The following ACTR3 variants were observed in gnomAD, a reference collection of about 807,000 sequenced individuals.
The protein encoded by ACTR3 is actin related protein 3, also known as actin-related protein 3.
In ACTR3, 12 loss-of-function variants were observed where a neutral mutation model predicts 56.8. That is an observed-to-expected ratio of 0.21 (90% CI 0.14 to 0.34). The LOEUF (loss-of-function observed/expected upper bound fraction) is 0.34. Ranked by LOEUF, ACTR3 falls within the 10% of genes least tolerant of loss-of-function variation. The pLI is 1.00. For missense variants in ACTR3, 282 were observed against 512.5 expected, an observed-to-expected ratio of 0.55 and a Z score of 4.34; for synonymous variants, 162 against 167.4, an observed-to-expected ratio of 0.97 and a Z score of 0.25.
intron 1 of ACTR3, among the ~76,000 whole-genome samples, chr2:113,898,734 T>C (rs1679051092): frequency 6.6e-6 from 1 of 152,202 alleles, no homozygotes; most frequent in South Asian, 2.1e-4. Context: ...AATTTTTCTT[T>C]ATGGTTTCAG....
intron 3 of ACTR3, among the ~76,000 whole-genome samples, chr2:113,923,466 G>GCC: frequency 6.6e-6 from 1 of 151,994 alleles, no homozygotes; most frequent in Admixed American, 6.5e-5. Flanking sequence ...CTCCCAAGTA[G>GCC]TTGGGACTAC....
In ACTR3 at chr2:113,931,348, A is replaced by G. The variant is rs1038126858; in HGVS notation, c.384A>G (p.Glu128=). 3.1e-6 allele frequency: 5 copies of G among 1,599,190 alleles called. No individual in the cohort carries two copies. Among genetic ancestry groups the G allele is most frequent in the Non-Finnish European group, 3.4e-6 (4 of 1,173,300 alleles). The stretch of plus-strand genomic sequence containing the variant: ...CAGAAAACAGGGAATATACTGCTGA[A>G]ATAATGTTTGAGTCCTTCAATGTTC... ...NTPENREYTA[E]IMFESFNVPG... Residue 128 remains glutamate (E), a synonymous_variant, in exon 5 of 12, where the codon GAA becomes GAG. Coordinates refer to ENST00000263238, the MANE Select transcript of ACTR3 (RefSeq NM_005721.5).
intron 4 of ACTR3, among the ~76,000 whole-genome samples, chr2:113,928,857 T>C (rs114368171): frequency 3.2e-4 from 48 of 152,338 alleles, no homozygotes; most frequent in African/African-American, 1.2e-3. Context: ...AGTTTTCTCA[T>C]GCCCTTTTGT....
At chr2:113,915,852 C>T (rs562912109) in intron 2 of ACTR3, among the ~76,000 whole-genome samples, 108 of 152,274 alleles carry the variant, frequency 7.1e-4, no homozygotes, top group Non-Finnish European at 1.1e-3. Flanking sequence ...TTTTCTCACC[C>T]ACCCAGTTTT....
chr2:113,913,337 T>C, intron 2 of ACTR3, 110 bp downstream of exon 2: 1 of 768,500 alleles, frequency 1.3e-6, no homozygotes. Flanking sequence ...TTAGTCCTTT[T>C]AAAAACATGA....
intron 10 of ACTR3, chr2:113,953,687 T>C (rs1574386201): frequency 7.0e-6 from 1 of 143,548 alleles, no homozygotes; most frequent in African/African-American, 2.5e-5. Context: ...TAGGTGTGTG[T>C]ACACACACAC....
In ACTR3 at chr2:113,913,243, A is replaced by G. The variant is rs1340515104; in HGVS notation, c.100+16A>G. The G allele has an allele frequency of 1.3e-6, 2 of 1,563,470 alleles. No homozygotes were observed. The highest frequency in any genetic ancestry group is 2.7e-5 in the African/African-American group (2 of 72,782). On this transcript the variant is annotated intron_variant, in intron 2 of 11. Coordinates refer to ENST00000263238, the MANE Select transcript of ACTR3 (RefSeq NM_005721.5). Reference sequence around the variant, plus strand: ...ATCCCTTCCTGTAAGTATTTCTTTTAAGCCACAAATGAGCTGATTTAAAAG... The same window carrying G: ...ATCCCTTCCTGTAAGTATTTCTTTTGAGCCACAAATGAGCTGATTTAAAAG...
At chr2:113,890,579 C>A (rs1011614277) in intron 1 of ACTR3, 2 of 1,358,772 alleles carry the variant, frequency 1.5e-6, no homozygotes, top group African/African-American at 3.1e-5. Context: ...TCCGCGCGAC[C>A]CCTCCCGGCC....
intron 1 of ACTR3, 133 bp downstream of exon 1, chr2:113,890,456 G>A: frequency 7.8e-7 from 1 of 1,277,504 alleles, no homozygotes; most frequent in Non-Finnish European, 1.0e-6. Context: ...CCGCCGGCCA[G>A]CGAGGGGTGG....
At chr2:113,898,761 A>AT (rs1679051641) in intron 1 of ACTR3, among the ~76,000 whole-genome samples, 1 of 152,178 alleles carries the variant, frequency 6.6e-6, no homozygotes, top group East Asian at 1.9e-4. Context: ...ATATCTTTGG[A>AT]TTTTAATTAT....
At chr2:113,936,419 T>C (rs1409104224) in intron 6 of ACTR3, among the ~76,000 whole-genome samples, 1 of 152,208 alleles carries the variant, frequency 6.6e-6, no homozygotes, top group Non-Finnish European at 1.5e-5. Context: ...TTTCTCTTTA[T>C]TGACTTATTA....
chr2:113,923,188 A>C (rs1050371524), intron 3 of ACTR3, among the ~76,000 whole-genome samples: 1 of 152,146 alleles, frequency 6.6e-6, no homozygotes, highest in Non-Finnish European at 1.5e-5. Flanking sequence ...TTAAAACGAC[A>C]CTTCTTAGTG....
At position 113,926,527 on chromosome 2, in the gene ACTR3, T is replaced by C. The variant is rs1458777722; in HGVS notation, c.226-818T>C. Among the ~76,000 whole-genome samples the C allele has an allele frequency of 4.6e-5, 7 of 152,206 alleles. 1 individual carries two copies. The highest frequency in any genetic ancestry group is 7.2e-5 in the African/African-American group (3 of 41,444). The stretch of plus-strand genomic sequence containing the variant: ...GTTCTGGAGGTGAGGAAGTCCAAGA[T>C]GAGTTGGCCACATCTGATCAACCTC... On this transcript the variant is annotated intron_variant, in intron 3 of 11. Transcript: ENST00000263238.
In ACTR3 at chr2:113,958,545, T is replaced by C. The variant is rs1680264996; in HGVS notation, c.*1090T>C. 1 of 152,450 alleles carries C rather than the reference T, an allele frequency of 6.6e-6. No homozygotes were observed. The highest frequency in any genetic ancestry group is 2.4e-5 in the African/African-American group (1 of 41,440). 9.4% of individuals were successfully genotyped at this position (152,450 alleles called of 1,614,324 possible). A position where few individuals can be genotyped will look rare whatever the true frequency, so the allele number is the denominator to read the frequency against. On this transcript the variant is annotated 3_prime_UTR_variant, in exon 12 of 12. Transcript: ENST00000263238. ...AATTTTCTTTGCATTTTAAAATATC[T>C]GGATTATGAAGAAAAAGTGATGAAA...
chr2:113,959,138 A>G lies in ACTR3; in HGVS notation c.*1683A>G, dbSNP rs1680277542. Reference sequence around the variant, plus strand: ...ACCAAAGAGTAGATTAGCAAAAGTAAGTTTTTTTCCCTAGCCTGTCTCATT... The same window carrying G: ...ACCAAAGAGTAGATTAGCAAAAGTAGGTTTTTTTCCCTAGCCTGTCTCATT... On this transcript the variant is annotated 3_prime_UTR_variant, in exon 12 of 12. Coordinates refer to ENST00000263238, the MANE Select transcript of ACTR3 (RefSeq NM_005721.5). 6.6e-6 allele frequency: 1 copy of G among 152,016 alleles called. No individual in the cohort carries two copies. Among genetic ancestry groups the G allele is most frequent in the Non-Finnish European group, 1.5e-5 (1 of 67,900 alleles). 9.4% of individuals were successfully genotyped at this position (152,016 alleles called of 1,614,324 possible).
chr2:113,951,944 GGAACC>G, intron 10 of ACTR3, 99 bp downstream of exon 10: 2 of 1,467,336 alleles, frequency 1.4e-6, no homozygotes, highest in Non-Finnish European at 1.9e-6. Flanking sequence ...AAAAATAAGA[GGAACC>G]TGTCAGGTAT....
chr2:113,954,755 T>C (rs951490444), intron 10 of ACTR3: 1 of 152,042 alleles, frequency 6.6e-6, no homozygotes, highest in Non-Finnish European at 1.5e-5. Flanking sequence ...GCCCTTTTTT[T>C]CTCCTTTTCT....
chr2:113,906,511 T>G (rs966786681), intron 1 of ACTR3, among the ~76,000 whole-genome samples: 12 of 152,208 alleles, frequency 7.9e-5, no homozygotes, highest in African/African-American at 2.7e-4. Flanking sequence ...ACTTGTGCTT[T>G]TGGTGTCATA....
intron 8 of ACTR3, 158 bp from the exon 9 acceptor site, chr2:113,951,321 C>T: frequency 3.8e-6 from 2 of 532,744 alleles, no homozygotes; most frequent in East Asian, 3.0e-5. Flanking sequence ...TTTGAGTTTT[C>T]TCTGATTTCA....
Sources: gnomAD v4.1 joint callset for allele counts (sites outside exome capture counted in the v4.1 genomes callset) on GRCh38, gnomAD v4.1.1 for gene constraint, MANE v1.5 for transcripts, NCBI Gene and HGNC (gene_info 2026-07-23, HGNC 2026-07-21) for gene names.